Variants in CELF2 observed in about 807,000 individuals in gnomAD.
CELF2 encodes the protein CUGBP Elav-like family member 2, also known as CUG triplet repeat RNA-binding protein 2.
In CELF2, 8 loss-of-function variants were observed where a neutral mutation model predicts 62.6. That is an observed-to-expected ratio of 0.13 (90% CI 0.07 to 0.23). CELF2 has a LOEUF of 0.23. Among genes scored for constraint, CELF2 ranks in the 10% least tolerant of loss-of-function variants. The pLI, the probability that CELF2 is intolerant of heterozygous loss-of-function variation, is 1.00. For synonymous variants in CELF2, 258 were observed against 250.0 expected, an observed-to-expected ratio of 1.03 and a Z score of -0.30; for missense variants, 333 against 671.0, an observed-to-expected ratio of 0.50 and a Z score of 5.56.
chr10:11,310,686 C>T (rs759397508), intron 9 of CELF2, among the ~76,000 whole-genome samples: 11 of 151,520 alleles, frequency 7.3e-5, no homozygotes, highest in East Asian at 1.9e-4. Context: ...TACTTACTAG[C>T]GCAGCAATCT....
intron 2 of CELF2, among the ~76,000 whole-genome samples, chr10:11,182,909 A>C (rs2073866420): frequency 6.6e-6 from 1 of 152,166 alleles, no homozygotes. Context: ...CCATTTGTGC[A>C]TTCCTACTGT....
chr10:11,126,547 C>T (rs1365905321), intron 1 of CELF2, among the ~76,000 whole-genome samples: 2 of 152,316 alleles, frequency 1.3e-5, no homozygotes, highest in East Asian at 1.9e-4. Flanking sequence ...CCTAAAAATG[C>T]AGACATTGTT....
chr10:11,189,662 ACT>A (rs1044069171), intron 2 of CELF2, among the ~76,000 whole-genome samples: 32 of 152,060 alleles, frequency 2.1e-4, no homozygotes, highest in African/African-American at 7.5e-4. Flanking sequence ...TGGCCTGGAA[ACT>A]CTTTCAGGCC....
At chr10:11,219,963 G>A (rs529287260) in intron 3 of CELF2, among the ~76,000 whole-genome samples, 5 of 152,236 alleles carry the variant, frequency 3.3e-5, no homozygotes, top group Admixed American at 6.5e-5. Context: ...AAGTGAGTTC[G>A]GTAATTTAAA....
the CELF2 span, among the ~76,000 whole-genome samples, chr10:10,559,713 C>T: frequency 6.6e-6 from 1 of 152,230 alleles, no homozygotes; most frequent in South Asian, 2.1e-4. Context: ...TTTAAATGGC[C>T]TATCTGAGAA....
the CELF2 span, chr10:10,792,293 T>C: frequency 5.0e-6 from 2 of 397,548 alleles, no homozygotes; most frequent in Non-Finnish European, 8.9e-6. Flanking sequence ...CAAGTGAATC[T>C]GTGGTACATT....
Position 11,140,280 on chromosome 10 carries a change from C to T in CELF2, c.75-25206C>T, listed in dbSNP as rs79873323. 9.9e-3 allele frequency among the ~76,000 whole-genome samples: 1,502 copies of T among 152,252 alleles called. 30 individuals carry two copies. The highest frequency in any genetic ancestry group is 0.034 in the African/African-American group (1,428 of 41,540). The stretch of plus-strand genomic sequence containing the variant: ...TTTAGGAGACGGGTTCTCAATCTGT[C>T]GCCCATGTTCGGTGCAGTAGCGCAA... On this transcript the variant is annotated intron_variant, in intron 1 of 12. Coordinates refer to ENST00000633077, the MANE Select transcript of CELF2 (RefSeq NM_001326342.2).
chr10:11,323,424 A>AATAATAAT lies in CELF2; in HGVS notation c.1294+2039_1294+2040insTAATAATA, dbSNP rs2095549203. On this transcript the variant is annotated intron_variant, in intron 11 of 12. Coordinates refer to ENST00000633077, the MANE Select transcript of CELF2 (RefSeq NM_001326342.2). ...AAGCAAATGATGCCAGGCAGAGCAA[A>AATAATAAT]AATAATAATAATAATAATAATAATA... Among the ~76,000 whole-genome samples, 5 of 141,644 alleles carry AATAATAAT rather than the reference A, an allele frequency of 3.5e-5. No individual in the cohort carries two copies. In the East Asian group the frequency reaches 8.2e-4, roughly 23 times the overall value. 92.9% of individuals were successfully genotyped at this position (141,644 alleles called of 152,430 possible). A position where few individuals can be genotyped will look rare whatever the true frequency, so the allele number is the denominator to read the frequency against.
chr10:10,748,037 G>A, the CELF2 span, among the ~76,000 whole-genome samples: 5 of 152,170 alleles, frequency 3.3e-5, no homozygotes, highest in Non-Finnish European at 7.3e-5. Flanking sequence ...CACTCATGGA[G>A]GAAGAGTGTA....
chr10:11,318,885 G>A lies in CELF2; in HGVS notation c.1097-2304G>A, dbSNP rs181945267. The A allele has an allele frequency of 2.7e-4, 125 of 471,170 alleles. 1 individual carries two copies. Among genetic ancestry groups the A allele is most frequent in the African/African-American group, 1.8e-3 (90 of 50,188 alleles). 29.2% of individuals were successfully genotyped at this position (471,170 alleles called of 1,614,324 possible). A position where few individuals can be genotyped will look rare whatever the true frequency, so the allele number is the denominator to read the frequency against. ...CTGCACATCGCAGGAAGGATCCCCC[G>A]TGGGTCTCACATGACAGGGCCTGAA... On this transcript the variant is annotated intron_variant, in intron 10 of 12. Transcript: ENST00000633077. The surrounding 1 kb of genome is among the most constrained non-coding windows in gnomAD (Gnocchi z 5.4).
At chr10:10,674,959 A>G in the CELF2 span, among the ~76,000 whole-genome samples, 1 of 152,224 alleles carries the variant, frequency 6.6e-6, no homozygotes, top group Non-Finnish European at 1.5e-5. Context: ...AGGTATATAC[A>G]CACAAACACA....
At position 11,300,017 on chromosome 10, in the gene CELF2, A is replaced by C. The variant is rs551098098; in HGVS notation, c.976+11465A>C. On this transcript the variant is annotated intron_variant, in intron 9 of 12. Coordinates refer to ENST00000633077, the MANE Select transcript of CELF2 (RefSeq NM_001326342.2). This position sits in a 1 kb window ranked among gnomAD's most constrained non-coding sequence, Gnocchi z 5.5. ...TGTATGAATGGACTCTTCCAAACTC[A>C]TGGCCCCACACTGCCTTTATGAGTG... Among the ~76,000 whole-genome samples, 1 of 152,284 alleles carries C rather than the reference A, an allele frequency of 6.6e-6. No individual in the cohort carries two copies. Among genetic ancestry groups the C allele is most frequent in the Admixed American group, 6.5e-5 (1 of 15,302 alleles).
the CELF2 span, among the ~76,000 whole-genome samples, chr10:10,613,129 A>C: frequency 2.5e-5 from 1 of 39,968 alleles, no homozygotes; most frequent in African/African-American, 1.1e-4. Context: ...AGTAACTTTT[A>C]AAAGTAGAGG....
rs2062917852 is a variant in CELF2, at chr10:11,214,956, C to T, written c.272-2469C>T. ...TGAGTCCTTTCTTCCTTCCTTTCTC[C>T]TATTCACCTGCCATCCCACCCTGCT... On this transcript the variant is annotated intron_variant, in intron 2 of 12. Transcript: ENST00000633077. The surrounding 1 kb of genome is among the most constrained non-coding windows in gnomAD (Gnocchi z 4.2). 6.6e-6 allele frequency among the ~76,000 whole-genome samples: 1 copy of T among 152,178 alleles called. No homozygotes were observed. Among genetic ancestry groups the T allele is most frequent in the Admixed American group, 6.5e-5 (1 of 15,274 alleles).
chr10:11,222,193 A>G (rs2136076137), intron 3 of CELF2, among the ~76,000 whole-genome samples: 1 of 152,340 alleles, frequency 6.6e-6, no homozygotes, highest in Admixed American at 6.5e-5. Flanking sequence ...CACTGGGGCC[A>G]AATTTCATTT....
At chr10:11,257,444 T>C in intron 4 of CELF2, 1 of 264,292 alleles carries the variant, frequency 3.8e-6, no homozygotes, top group Non-Finnish European at 7.5e-6. Context: ...GTCAGCGCAT[T>C]ACTGTTAGTT....
the CELF2 span, among the ~76,000 whole-genome samples, chr10:10,760,304 G>A: frequency 6.6e-6 from 1 of 152,058 alleles, no homozygotes; most frequent in Non-Finnish European, 1.5e-5. Flanking sequence ...TCCTGAGAAC[G>A]CCTGACTCTA....
chr10:10,799,454 A>G (rs561042020), intron 1 of CELF2, among the ~76,000 whole-genome samples: 33 of 152,276 alleles, frequency 2.2e-4, no homozygotes, highest in Admixed American at 2.0e-3. Context: ...AGTGCACTCC[A>G]GCCTGTGCAA....
the CELF2 span, among the ~76,000 whole-genome samples, chr10:10,770,264 G>A: frequency 3.9e-5 from 6 of 151,948 alleles, no homozygotes; most frequent in South Asian, 4.2e-4. Context: ...CCTGGGAGGC[G>A]GAGGTTGCAG....
Sources: allele counts gnomAD v4.1 joint callset (sites outside exome capture counted in the v4.1 genomes callset), GRCh38; gene constraint gnomAD v4.1.1; non-coding constraint Gnocchi (gnomAD v3.1); transcripts MANE v1.5; gene names NCBI Gene and HGNC (gene_info 2026-07-23, HGNC 2026-07-21).